The following PPP6R1 variants were observed in gnomAD, a reference collection of about 807,000 sequenced individuals.
The protein encoded by PPP6R1 is serine/threonine-protein phosphatase 6 regulatory subunit 1.
Under a neutral mutation model 104.6 loss-of-function variants are expected in PPP6R1, and 39 were observed. That is an observed-to-expected ratio of 0.37 (90% CI 0.29 to 0.49). PPP6R1 has a LOEUF of 0.49. Among genes scored for constraint, PPP6R1 ranks in the 20% least tolerant of loss-of-function variants. The pLI, the probability that PPP6R1 is intolerant of heterozygous loss-of-function variation, is 0.98. For synonymous variants in PPP6R1, 549 were observed against 479.0 expected, an observed-to-expected ratio of 1.15 and a Z score of -1.91; for missense variants, 1,181 against 1,155.8, an observed-to-expected ratio of 1.02 and a Z score of -0.32.
downstream of PPP6R1, chr19:55,229,702 A>AC (rs2087321126): frequency 6.6e-6 from 1 of 151,960 alleles, no homozygotes; most frequent in African/African-American, 2.4e-5. Flanking sequence ...GGTCAGGAGC[A>AC]CCCCCAGCCT....
intron 1 of PPP6R1, 76 bp from the exon 2 acceptor site, chr19:55,247,185 G>A (rs969875360): frequency 3.5e-6 from 5 of 1,444,130 alleles, no homozygotes; most frequent in South Asian, 2.3e-5. Flanking sequence ...TGACCACAGG[G>A]GCTGAGTGCC....
At position 55,230,593 on chromosome 19, in the gene PPP6R1, G is replaced by A. The variant is rs28678477; in HGVS notation, c.2642+20C>T. ...AGGCCCAGCCCCACCTACCCAGCCC[G>A]AGGCTGCAGCCACACTCACTGGGAG... On this transcript the variant is annotated intron_variant, in intron 23 of 23. Coordinates refer to ENST00000412770, the MANE Select transcript of PPP6R1 (RefSeq NM_014931.4). The A allele has an allele frequency of 2.8e-5, 45 of 1,612,096 alleles. No homozygotes were observed. The highest frequency in any genetic ancestry group is 8.4e-5 in the Admixed American group (5 of 59,850).
chr19:55,247,201 T>G (rs749275861), intron 1 of PPP6R1, 92 bp from the exon 2 acceptor site: 25 of 1,322,024 alleles, frequency 1.9e-5, no homozygotes, highest in Non-Finnish European at 2.5e-5. Flanking sequence ...GTGCCCACCT[T>G]GGGCACAGCC....
chr19:55,256,362 C>A (rs2087593420), intron 1 of PPP6R1, among the ~76,000 whole-genome samples: 2 of 152,254 alleles, frequency 1.3e-5, no homozygotes, highest in South Asian at 4.1e-4. Flanking sequence ...CACTTAGCAA[C>A]ATCCCTAGCC....
rs1225197625 is a variant in PPP6R1, at chr19:55,231,680, G to A, written c.2307-12C>T. 6.3e-7 allele frequency: 1 copy of A among 1,592,398 alleles called. No homozygotes were observed. Among genetic ancestry groups the A allele is most frequent in the Non-Finnish European group, 8.6e-7 (1 of 1,169,156 alleles). Reference sequence around the variant, plus strand: ...TGGGGTCCTGAGACCTGGTAGGCGAGAGAGGCAGCCCAAGGGGGCAGCTAG... The same window carrying A: ...TGGGGTCCTGAGACCTGGTAGGCGAAAGAGGCAGCCCAAGGGGGCAGCTAG... On this transcript the variant is annotated splice_polypyrimidine_tract_variant and intron_variant, in intron 19 of 23. Transcript: ENST00000412770.
intron 5 of PPP6R1, among the ~76,000 whole-genome samples, chr19:55,243,420 A>AAAAAAAAAAAAAAAAAAAG (rs2087477877): frequency 6.6e-6 from 1 of 151,628 alleles, no homozygotes; most frequent in African/African-American, 2.4e-5. Flanking sequence ...AAAAAAAAAA[A>AAAAAAAAAAAAAAAAAAAG]AAAGAAAGGC....
At chr19:55,237,536 A>G (rs2087410674) in intron 15 of PPP6R1, among the ~76,000 whole-genome samples, 2 of 152,222 alleles carry the variant, frequency 1.3e-5, no homozygotes, top group African/African-American at 2.4e-5. Flanking sequence ...CAGGGTCCAC[A>G]TTCTGTCCCA....
At chr19:55,233,810 G>C (rs956433241) in intron 17 of PPP6R1, among the ~76,000 whole-genome samples, 1 of 152,204 alleles carries the variant, frequency 6.6e-6, no homozygotes, top group Non-Finnish European at 1.5e-5. Flanking sequence ...CCATGTTCAC[G>C]TATTAGAAGA....
At chr19:55,252,318 C>A (rs916003875) in intron 1 of PPP6R1, among the ~76,000 whole-genome samples, 2 of 151,830 alleles carry the variant, frequency 1.3e-5, no homozygotes, top group Non-Finnish European at 1.5e-5. Flanking sequence ...CAACCTCCAG[C>A]TCCTGGGTTC....
At chr19:55,243,590 A>AG (rs367670144) in intron 5 of PPP6R1, among the ~76,000 whole-genome samples, 13 of 151,646 alleles carry the variant, frequency 8.6e-5, no homozygotes, top group African/African-American at 2.9e-4. Flanking sequence ...GCTTGAGCCC[A>AG]GGGGGGTCAA....
In PPP6R1 at chr19:55,247,009, T is replaced by C. The variant is rs1217971202; in HGVS notation, c.95A>G (p.Asp32Gly). 1 of 1,613,886 alleles carries C rather than the reference T, an allele frequency of 6.2e-7. No homozygotes were observed. Among genetic ancestry groups the C allele is most frequent in the East Asian group, 2.2e-5 (1 of 44,884 alleles). ...GACGACCTTGCACTCCTGCAGCACG[T>C]CTTCCTCGTCCAGCAGCTCGGGCAG... ...LSLPELLDEE[D>G]VLQECKVVNR... Residue 32 changes from aspartate (D) to glycine (G), a missense_variant, in exon 2 of 24, where the codon GAC (aspartate) becomes GGC (glycine). Asp to Gly is a moderately conservative substitution (Grantham distance 94). Around this residue, in one of 2 missense-constraint regions of PPP6R1, gnomAD observed 139 missense variants for 200.1 expected, o/e 0.69. Transcript: ENST00000412770.
chr19:55,250,288 C>T (rs2087543329), intron 1 of PPP6R1, among the ~76,000 whole-genome samples: 1 of 152,236 alleles, frequency 6.6e-6, no homozygotes, highest in Non-Finnish European at 1.5e-5. Flanking sequence ...CTGAGGCACA[C>T]CAAAGTAAAT....
At chr19:55,236,607 G>A (rs1200634009) in intron 17 of PPP6R1, 36 bp downstream of exon 17, 3 of 1,487,064 alleles carry the variant, frequency 2.0e-6, no homozygotes, top group East Asian at 2.4e-5. Flanking sequence ...GCCGTGTGGT[G>A]GAAGCTTGGA....
rs747377335 is a variant in PPP6R1 at position 55,245,266 on chromosome 19, T to C, written c.551A>G (p.Asn184Ser). ...CCCAGAGGAGCCGGCCCTGCTCACA[T>C]TGACAACATCCTGCCTCAGCTGAGG... ...ERPQLRQDVV[N>S]WLNEEKIVQR... Residue 184 changes from asparagine (N) to serine (S), a missense_variant and splice_region_variant, in exon 4 of 24, where the codon AAT becomes AGT. Asn to Ser is a conservative substitution (Grantham distance 46, BLOSUM62 1). This residue lies in a region of PPP6R1 where 1,042 missense variants were observed against 955.6 expected (regional missense o/e 1.09). Coordinates refer to ENST00000412770, the MANE Select transcript of PPP6R1 (RefSeq NM_014931.4). This position sits in a 1 kb window ranked among gnomAD's most constrained non-coding sequence, Gnocchi z 6.4. The C allele has an allele frequency of 3.5e-5, 55 of 1,581,682 alleles. No homozygotes were observed. The highest frequency in any genetic ancestry group is 4.5e-5 in the Non-Finnish European group (52 of 1,158,562).
At chr19:55,244,838 G>A (rs1008915318) in intron 5 of PPP6R1, among the ~76,000 whole-genome samples, 1 of 151,660 alleles carries the variant, frequency 6.6e-6, no homozygotes, top group Admixed American at 6.6e-5. Flanking sequence ...TTGACCTCCC[G>A]GCTCAAGCAA....
intron 1 of PPP6R1, 164 bp from the exon 2 acceptor site, chr19:55,247,273 A>T (rs1325893908): frequency 3.0e-6 from 2 of 673,140 alleles, no homozygotes; most frequent in African/African-American, 1.8e-5. Flanking sequence ...GACTGCCCGC[A>T]GGCTCACTGC....
chr19:55,252,133 A>G (rs969810982), intron 1 of PPP6R1, among the ~76,000 whole-genome samples: 1 of 152,222 alleles, frequency 6.6e-6, no homozygotes, highest in African/African-American at 2.4e-5. Context: ...GAAGTTCCTG[A>G]AAGGAAAGGG....
chr19:55,230,936 C>T, intron 21 of PPP6R1, 52 bp from the exon 22 acceptor site: 2 of 1,421,502 alleles, frequency 1.4e-6, no homozygotes, highest in Non-Finnish European at 2.0e-6. Context: ...CCGTCACCTG[C>T]TGACACCCTC....
chr19:55,230,723 TGCCCCACCA>T, intron 22 of PPP6R1, 39 bp from the exon 23 acceptor site: 1 of 1,516,640 alleles, frequency 6.6e-7, no homozygotes, highest in Non-Finnish European at 8.8e-7. Context: ...GGTCACTTCC[TGCCCCACCA>T]GCCCCACCCC....
Sources: allele counts gnomAD v4.1 joint callset (sites outside exome capture counted in the v4.1 genomes callset), GRCh38; gene constraint gnomAD v4.1.1; regional missense constraint gnomAD v4.1.1; non-coding constraint Gnocchi (gnomAD v3.1); transcripts MANE v1.5; gene names NCBI Gene and HGNC (gene_info 2026-07-23, HGNC 2026-07-21).